FMNL2: variants seen among roughly 807,000 people sequenced by gnomAD.
FMNL2 encodes the protein formin-like protein 2.
In FMNL2, 51 loss-of-function variants were observed where a neutral mutation model predicts 130.2. That is an observed-to-expected ratio of 0.39 (90% CI 0.31 to 0.49). The LOEUF is 0.49. Ranked by LOEUF, FMNL2 falls within the 20% of genes least tolerant of loss-of-function variation. The pLI is 0.85. For synonymous variants in FMNL2, 465 were observed against 467.1 expected, an observed-to-expected ratio of 1.00 and a Z score of 0.06; for missense variants, 977 against 1,316.2, an observed-to-expected ratio of 0.74 and a Z score of 3.99.
chr2:152,597,639 C>T (rs1697838481), intron 9 of FMNL2, among the ~76,000 whole-genome samples: 2 of 152,134 alleles, frequency 1.3e-5, no homozygotes, highest in South Asian at 4.1e-4. Context: ...ACTCATTGTT[C>T]CTTTTGTGCC....
chr2:152,577,122 C>T lies in FMNL2; in HGVS notation c.706-1766C>T, dbSNP rs140567509. Among the ~76,000 whole-genome samples, 143 of 152,134 alleles carry T rather than the reference C, an allele frequency of 9.4e-4. 2 individuals carry two copies. The highest frequency in any genetic ancestry group is 5.1e-3 in the Admixed American group (78 of 15,274). On this transcript the variant is annotated intron_variant, in intron 7 of 25. Transcript: ENST00000288670. ...GGCTTTTAGCAGTAATTTAGGTGAGCTTTGGTGGTCATATGGACTAGGATC... is the reference window on the plus strand; with the variant it reads ...GGCTTTTAGCAGTAATTTAGGTGAGTTTTGGTGGTCATATGGACTAGGATC...
intron 1 of FMNL2, among the ~76,000 whole-genome samples, chr2:152,433,278 C>T (rs566442747): frequency 4.6e-5 from 7 of 152,236 alleles, no homozygotes; most frequent in African/African-American, 7.2e-5. Flanking sequence ...CAATTCACTG[C>T]GTTTCAACTA....
At chr2:152,517,852 C>G (rs1692861828) in intron 1 of FMNL2, among the ~76,000 whole-genome samples, 1 of 152,056 alleles carries the variant, frequency 6.6e-6, no homozygotes, top group Admixed American at 6.5e-5. Context: ...ATGGTTAAAG[C>G]CCAGGAAATA....
intron 1 of FMNL2, among the ~76,000 whole-genome samples, chr2:152,343,188 TGAG>T (rs1476520914): frequency 6.6e-6 from 1 of 152,238 alleles, no homozygotes; most frequent in Non-Finnish European, 1.5e-5. Context: ...CTGAAAGCCT[TGAG>T]GTGTTTAGAC....
intron 1 of FMNL2, among the ~76,000 whole-genome samples, chr2:152,418,382 T>TCTA (rs1686730336): frequency 2.0e-5 from 3 of 152,198 alleles, no homozygotes; most frequent in Non-Finnish European, 4.4e-5. Flanking sequence ...GGTGGTGCAA[T>TCTA]GATCTTCACC....
chr2:152,406,566 C>A (rs1442361265), intron 1 of FMNL2, among the ~76,000 whole-genome samples: 3 of 152,172 alleles, frequency 2.0e-5, no homozygotes, highest in Non-Finnish European at 4.4e-5. Context: ...CTTTCTCCTC[C>A]TAGATTTGAA....
At chr2:152,388,848 T>A (rs1009130150) in intron 1 of FMNL2, among the ~76,000 whole-genome samples, 6 of 152,216 alleles carry the variant, frequency 3.9e-5, no homozygotes, top group Non-Finnish European at 7.3e-5. Flanking sequence ...AGGTCACATC[T>A]GTGGATGTCT....
At chr2:152,627,538 G>A (rs1681875585) in intron 17 of FMNL2, among the ~76,000 whole-genome samples, 1 of 152,190 alleles carries the variant, frequency 6.6e-6, no homozygotes, top group South Asian at 2.1e-4. Flanking sequence ...TAATCTGGTA[G>A]TCCAGTGCCT....
intron 1 of FMNL2, among the ~76,000 whole-genome samples, chr2:152,478,813 GT>G (rs1444117342): frequency 6.6e-6 from 1 of 152,008 alleles, no homozygotes; most frequent in Non-Finnish European, 1.5e-5. Context: ...ACAAAGATGA[GT>G]TTTACTAAAA....
intron 2 of FMNL2, among the ~76,000 whole-genome samples, chr2:152,540,452 T>A (rs1318418662): frequency 6.6e-6 from 1 of 152,156 alleles, no homozygotes; most frequent in Non-Finnish European, 1.5e-5. Flanking sequence ...AAGTGTGCTG[T>A]TCTTTTTTTA....
chr2:152,486,772 A>G lies in FMNL2; in HGVS notation c.118-35171A>G, dbSNP rs188939279. Among the ~76,000 whole-genome samples the G allele has an allele frequency of 3.9e-5, 6 of 152,214 alleles. No homozygotes were observed. In the East Asian group the frequency reaches 1.2e-3, roughly 29 times the overall value. On this transcript the variant is annotated intron_variant, in intron 1 of 25. Transcript: ENST00000288670. ...GGGGGAAGAATAAATTTTTCTGTGTAATTTTGTTTTCTTGTATCTTTATCA... is the reference window on the plus strand; with the variant it reads ...GGGGGAAGAATAAATTTTTCTGTGTGATTTTGTTTTCTTGTATCTTTATCA...
At chr2:152,472,310 C>T (rs1003958075) in intron 1 of FMNL2, among the ~76,000 whole-genome samples, 13 of 152,112 alleles carry the variant, frequency 8.5e-5, no homozygotes, top group Admixed American at 5.9e-4. Context: ...TTAGTGTGTA[C>T]GAAATTATCC....
chr2:152,410,187 A>G (rs1221437981), intron 1 of FMNL2, among the ~76,000 whole-genome samples: 1 of 152,154 alleles, frequency 6.6e-6, no homozygotes, highest in Non-Finnish European at 1.5e-5. Flanking sequence ...GTCGATATGG[A>G]GCACAGGTTG....
intron 1 of FMNL2, among the ~76,000 whole-genome samples, chr2:152,510,996 G>T (rs899476172): frequency 5.3e-5 from 8 of 152,110 alleles, no homozygotes; most frequent in African/African-American, 1.4e-4. Context: ...TAATTTTTTT[G>T]GTAATTTAAT....
chr2:152,444,370 A>T lies in FMNL2; in HGVS notation c.118-77573A>T, dbSNP rs543501367. ...TGGGTGGTCTGCATGACTATCCCACAAGAACCAGCTTGATATTTAGTCTGA... is the reference window on the plus strand; with the variant it reads ...TGGGTGGTCTGCATGACTATCCCACTAGAACCAGCTTGATATTTAGTCTGA... On this transcript the variant is annotated intron_variant, in intron 1 of 25. Coordinates refer to ENST00000288670, the MANE Select transcript of FMNL2 (RefSeq NM_052905.4). 6.6e-5 allele frequency among the ~76,000 whole-genome samples: 10 copies of T among 152,308 alleles called. No homozygotes were observed. In the East Asian group the frequency reaches 1.5e-3, roughly 24 times the overall value.
At chr2:152,344,107 A>G (rs1681972014) in intron 1 of FMNL2, among the ~76,000 whole-genome samples, 1 of 152,176 alleles carries the variant, frequency 6.6e-6, no homozygotes, top group Non-Finnish European at 1.5e-5. Context: ...AGCTATGATC[A>G]TGCCACTGCA....
chr2:152,642,138 C>T (rs1181552366), intron 25 of FMNL2, among the ~76,000 whole-genome samples: 1 of 152,130 alleles, frequency 6.6e-6, no homozygotes, highest in East Asian at 1.9e-4. Context: ...GATGGGGTTT[C>T]ACCGTGTTAG....
At chr2:152,436,821 G>C (rs1687795002) in intron 1 of FMNL2, among the ~76,000 whole-genome samples, 1 of 152,148 alleles carries the variant, frequency 6.6e-6, no homozygotes, top group Non-Finnish European at 1.5e-5. Flanking sequence ...TAGTATGAAG[G>C]GGGAAGTGGG....
At chr2:152,385,336 G>A (rs1227129597) in intron 1 of FMNL2, among the ~76,000 whole-genome samples, 2 of 152,186 alleles carry the variant, frequency 1.3e-5, no homozygotes, top group African/African-American at 2.4e-5. Context: ...CAGTTTGTAG[G>A]GAGGGAGGCT....
Sources: gnomAD v4.1 joint callset for allele counts (sites outside exome capture counted in the v4.1 genomes callset) on GRCh38, gnomAD v4.1.1 for gene constraint, MANE v1.5 for transcripts, NCBI Gene and HGNC (gene_info 2026-07-23, HGNC 2026-07-21) for gene names.